The following PPP1R42 variants were observed in gnomAD, a reference collection of about 807,000 sequenced individuals.
PPP1R42 encodes the protein protein phosphatase 1 regulatory subunit 42.
A neutral mutation model predicts 31.0 loss-of-function variants in PPP1R42; 34 were observed. The observed-to-expected ratio is 1.10, with a 90% confidence interval of 0.83 to 1.46. The LOEUF is 1.46. Among genes scored for constraint, PPP1R42 ranks in the 40% most tolerant of loss-of-function variants. The pLI is 0.00. For synonymous variants in PPP1R42, 103 were observed against 109.8 expected (o/e 0.94, Z 0.39); for missense variants, 268 against 303.0 (o/e 0.88, Z 0.86).
intron 5 of PPP1R42, among the ~76,000 whole-genome samples, chr8:67,003,389 CTTTTTTTTTTT>C (rs5892069): frequency 9.1e-5 from 3 of 32,938 alleles, no homozygotes; most frequent in African/African-American, 1.4e-4. Flanking sequence ...TTTCATGCTT[CTTTTTTTTTTT>C]TTTTTTTTTT....
intron 7 of PPP1R42, among the ~76,000 whole-genome samples, chr8:66,969,280 A>C (rs553643420): frequency 5.5e-4 from 84 of 152,280 alleles, no homozygotes; most frequent in African/African-American, 1.9e-3. Flanking sequence ...TTCCTTGATG[A>C]TATACTAGCA....
chr8:67,026,941 C>T (rs1379355677), intron 1 of PPP1R42: 1 of 143,024 alleles, frequency 7.0e-6, no homozygotes, highest in African/African-American at 2.6e-5. Flanking sequence ...TGGTCTGTTG[C>T]TCAGGTTGGA....
intron 6 of PPP1R42, chr8:66,984,724 G>A: frequency 1.2e-6 from 2 of 1,605,314 alleles, no homozygotes; most frequent in Non-Finnish European, 1.7e-6. Context: ...CATCTGAGCT[G>A]TGACATGGGC....
intron 6 of PPP1R42, chr8:66,986,016 T>A: frequency 1.3e-6 from 1 of 748,710 alleles, no homozygotes; most frequent in Non-Finnish European, 2.5e-6. Flanking sequence ...TCCGCCTTCC[T>A]CCTACAGCCT....
At chr8:67,012,221 G>GT (rs1563429796) in intron 4 of PPP1R42, among the ~76,000 whole-genome samples, 1 of 152,062 alleles carries the variant, frequency 6.6e-6, no homozygotes, top group Non-Finnish European at 1.5e-5. Flanking sequence ...GGGCGACAGG[G>GT]TTTTTTTAAT....
intron 1 of PPP1R42, among the ~76,000 whole-genome samples, chr8:67,018,471 T>C (rs915044497): frequency 6.6e-6 from 1 of 151,606 alleles, no homozygotes; most frequent in African/African-American, 2.4e-5. Flanking sequence ...GGCTGGCGTG[T>C]AGTGGCTATT....
At chr8:66,993,851 T>TGAAC (rs1815260315) in intron 5 of PPP1R42, among the ~76,000 whole-genome samples, 1 of 151,944 alleles carries the variant, frequency 6.6e-6, no homozygotes, top group African/African-American at 2.4e-5. Context: ...AATGAATGAA[T>TGAAC]GAATGAATGA....
At chr8:66,993,645 A>G (rs1276846998) in intron 5 of PPP1R42, among the ~76,000 whole-genome samples, 1 of 152,236 alleles carries the variant, frequency 6.6e-6, no homozygotes, top group African/African-American at 2.4e-5. Context: ...GCAGAGACAC[A>G]TACTTCATTT....
chr8:66,996,289 C>G (rs1479389258), intron 5 of PPP1R42, among the ~76,000 whole-genome samples: 1 of 152,176 alleles, frequency 6.6e-6, no homozygotes, highest in Non-Finnish European at 1.5e-5. Context: ...TGAGCTCAAT[C>G]AATCCTCCTG....
intron 5 of PPP1R42, among the ~76,000 whole-genome samples, chr8:67,006,714 A>G (rs998032054): frequency 6.8e-6 from 1 of 147,438 alleles, no homozygotes; most frequent in African/African-American, 2.5e-5. Context: ...GTCCCTCTGT[A>G]AAGTAAACGC....
intron 7 of PPP1R42, chr8:66,970,833 T>C: frequency 4.2e-6 from 3 of 710,164 alleles, no homozygotes; most frequent in East Asian, 2.9e-5. Context: ...TGAACTTTTT[T>C]TTTCTTTCTT....
intron 3 of PPP1R42, 66 bp downstream of exon 3, chr8:67,014,360 T>A: frequency 1.1e-6 from 1 of 951,862 alleles, no homozygotes; most frequent in South Asian, 2.7e-5. Flanking sequence ...AATGCCTTCA[T>A]GCAAAAAAAT....
At chr8:66,992,221 C>T (rs1287621211) in intron 5 of PPP1R42, among the ~76,000 whole-genome samples, 1 of 152,086 alleles carries the variant, frequency 6.6e-6, no homozygotes, top group Non-Finnish European at 1.5e-5. Context: ...CTACAGAAAT[C>T]CCCAATGTAT....
At chr8:67,012,795 T>C (rs75254245) in intron 4 of PPP1R42, 163 bp downstream of exon 4, 12,808 of 512,512 alleles carry the variant, frequency 0.025, 240 homozygotes, top group Middle Eastern at 0.041. Context: ...GTCTCTGAGA[T>C]TGTACATGAG....
At position 66,964,152 on chromosome 8, in the gene PPP1R42, A is replaced by G. The variant is rs1232690027; in HGVS notation, c.*169T>C. ...AGATACCATAAAGCTACAAACCCAC[A>G]AAAGATATTGTTGCCTAGTCATATA... On this transcript the variant is annotated 3_prime_UTR_variant, in exon 8 of 8. Coordinates refer to ENST00000685739, the MANE Select transcript of PPP1R42 (RefSeq NM_001364910.1). 2 of 448,428 alleles carry G rather than the reference A, an allele frequency of 4.5e-6. No homozygotes were observed. The highest frequency in any genetic ancestry group is 4.1e-5 in the African/African-American group (2 of 48,848). 27.8% of individuals were successfully genotyped at this position (448,428 alleles called of 1,614,324 possible).
chr8:67,014,247 C>T lies in PPP1R42; in HGVS notation c.296+179G>A, dbSNP rs146712081. Among the ~76,000 whole-genome samples the T allele has an allele frequency of 6.0e-3, 905 of 151,998 alleles. 7 individuals are homozygous for T. Among genetic ancestry groups the T allele is most frequent in the Non-Finnish European group, 0.01 (711 of 67,992 alleles). On this transcript the variant is annotated intron_variant, in intron 3 of 7. Coordinates refer to ENST00000685739, the MANE Select transcript of PPP1R42 (RefSeq NM_001364910.1). Reference sequence around the variant, plus strand: ...GAGAAAATAGAAATTGAGGTCTGTTCCACAAAACCCATGTGGGAATCATAT... The same window carrying T: ...GAGAAAATAGAAATTGAGGTCTGTTTCACAAAACCCATGTGGGAATCATAT...
intron 1 of PPP1R42, among the ~76,000 whole-genome samples, 174 bp from the exon 2 acceptor site, chr8:67,018,005 G>T (rs1024278185): frequency 6.6e-6 from 1 of 152,114 alleles, no homozygotes; most frequent in Non-Finnish European, 1.5e-5. Flanking sequence ...TTCATAAAAA[G>T]ATTTAAAGCA....
chr8:67,017,041 TAGG>T (rs1379866278), intron 2 of PPP1R42, among the ~76,000 whole-genome samples: 3 of 152,188 alleles, frequency 2.0e-5, no homozygotes, highest in African/African-American at 4.8e-5. Flanking sequence ...TACAGTGTTG[TAGG>T]AGAACTGTAA....
chr8:66,986,647 G>T (rs1815026745), intron 6 of PPP1R42, among the ~76,000 whole-genome samples: 1 of 152,188 alleles, frequency 6.6e-6, no homozygotes, highest in African/African-American at 2.4e-5. Context: ...CCCGGACTAA[G>T]CCTGTTTCTG....
Sources: gnomAD v4.1 joint callset for allele counts (sites outside exome capture counted in the v4.1 genomes callset) on GRCh38, gnomAD v4.1.1 for gene constraint, MANE v1.5 for transcripts, NCBI Gene and HGNC (gene_info 2026-07-23, HGNC 2026-07-21) for gene names.